Variants in MSR1 observed in about 807,000 individuals in gnomAD.
The protein encoded by MSR1 is macrophage scavenger receptor 1, also known as macrophage scavenger receptor types I and II.
MSR1 carries 53 observed loss-of-function variants against 47.2 expected under a neutral mutation model. The ratio of observed to expected loss-of-function variants is 1.12; its 90% CI spans 0.90 to 1.41. The LOEUF is 1.41. Ranked by LOEUF, MSR1 falls within the 40% of genes most tolerant of loss-of-function variation. MSR1 has a pLI of 0.00. For missense variants in MSR1, 786 were observed against 546.9 expected, an observed-to-expected ratio of 1.44 and a Z score of -4.36; for synonymous variants, 239 against 185.6, an observed-to-expected ratio of 1.29 and a Z score of -2.34.
chr8:16,167,530 G>A (rs1801348694), intron 4 of MSR1, among the ~76,000 whole-genome samples: 2 of 152,134 alleles, frequency 1.3e-5, no homozygotes, highest in Admixed American at 6.5e-5. Context: ...GGGCAACAGA[G>A]TGAGACTCCA....
intron 3 of MSR1, among the ~76,000 whole-genome samples, chr8:16,173,225 T>C (rs1801539631): frequency 6.6e-6 from 1 of 152,184 alleles, no homozygotes; most frequent in Non-Finnish European, 1.5e-5. Flanking sequence ...GGTAGTATTT[T>C]CTAATAGCTC....
rs969294982 is a variant in MSR1, at chr8:16,177,820, T to C, written c.103+66A>G. ...ACATTTAAGGTAAGTCTCAAGACTA[T>C]AATTTTATATTTTGTCAATAACTCT... is the stretch of plus-strand genomic sequence containing the variant. On this transcript the variant is annotated intron_variant, in intron 2 of 9. Transcript: ENST00000262101. The C allele has an allele frequency of 6.9e-6, 9 of 1,306,696 alleles. No individual in the cohort carries two copies. The Admixed American group carries it at 1.4e-4, about 20-fold the overall frequency. 80.9% of individuals were successfully genotyped at this position (1,306,696 alleles called of 1,614,324 possible). A position where few individuals can be genotyped will look rare whatever the true frequency, so the allele number is the denominator to read the frequency against.
At chr8:16,162,432 C>T (rs550693610) in intron 5 of MSR1, among the ~76,000 whole-genome samples, 156 of 152,036 alleles carry the variant, frequency 1.0e-3, no homozygotes, top group African/African-American at 3.6e-3. Flanking sequence ...AAGAAATGCC[C>T]GAGGTGCTTT....
intron 1 of MSR1, among the ~76,000 whole-genome samples, chr8:16,187,982 C>A (rs1442014837): frequency 6.6e-6 from 1 of 152,114 alleles, no homozygotes; most frequent in Non-Finnish European, 1.5e-5. Flanking sequence ...AGGCAGTGAA[C>A]AACTCACACT....
rs530376768 is a variant in MSR1 at position 16,129,409 on chromosome 8, T to A, written c.1034-8803A>T. Among the ~76,000 whole-genome samples, 117 of 152,200 alleles carry A rather than the reference T, an allele frequency of 7.7e-4. 1 individual carries two copies. Among genetic ancestry groups the A allele is most frequent in the African/African-American group, 2.7e-3 (114 of 41,542 alleles). On this transcript the variant is annotated intron_variant, in intron 8 of 9. Coordinates refer to ENST00000262101, the MANE Select transcript of MSR1 (RefSeq NM_138715.3). Reference sequence around the variant, plus strand: ...ATGGGGGAATTTCTTGGAGACTCCATGTGAAACAAGCCAACTGTGTCGTTC... The same window carrying A: ...ATGGGGGAATTTCTTGGAGACTCCAAGTGAAACAAGCCAACTGTGTCGTTC...
intron 5 of MSR1, among the ~76,000 whole-genome samples, chr8:16,163,312 T>TA (rs1801213008): frequency 6.6e-6 from 1 of 151,666 alleles, no homozygotes; most frequent in African/African-American, 2.4e-5. Flanking sequence ...TATATTTTTT[T>TA]AAAAGAAAAG....
At chr8:16,152,075 T>C (rs1800875825) in intron 6 of MSR1, among the ~76,000 whole-genome samples, 1 of 152,142 alleles carries the variant, frequency 6.6e-6, no homozygotes, top group Non-Finnish European at 1.5e-5. Context: ...GCTTTTCTTG[T>C]TCTCCTCCCC....
intron 8 of MSR1, among the ~76,000 whole-genome samples, chr8:16,134,574 A>G (rs1312041142): frequency 6.6e-6 from 1 of 152,060 alleles, no homozygotes; most frequent in Non-Finnish European, 1.5e-5. Context: ...ATTCCCTGAG[A>G]CACAGCAATA....
chr8:16,125,890 C>T (rs1369526095), intron 8 of MSR1, among the ~76,000 whole-genome samples: 1 of 152,012 alleles, frequency 6.6e-6, no homozygotes. Flanking sequence ...CCTTGGCCTC[C>T]CAAGGTGATG....
intron 8 of MSR1, among the ~76,000 whole-genome samples, chr8:16,137,808 A>G (rs183501432): frequency 6.6e-6 from 1 of 152,188 alleles, no homozygotes; most frequent in East Asian, 1.9e-4. Context: ...CCTTGGCAAT[A>G]TAGTGAGATC....
In MSR1 at chr8:16,123,609, G is replaced by A. The variant is rs369983994; in HGVS notation, c.1034-3003C>T. ...ATGTGTGTGTGTGTGTGTGTGTCTG[G>A]ATAGCTGTTTCCTCTTTATTTGTGT... On this transcript the variant is annotated intron_variant, in intron 8 of 9. Transcript: ENST00000262101. Among the ~76,000 whole-genome samples the A allele has an allele frequency of 1.8e-3, 259 of 147,804 alleles. 2 individuals are homozygous for A. The highest frequency in any genetic ancestry group is 5.5e-3 in the African/African-American group (219 of 40,150).
At chr8:16,180,350 A>G (rs1177093770) in intron 1 of MSR1, among the ~76,000 whole-genome samples, 1 of 152,176 alleles carries the variant, frequency 6.6e-6, no homozygotes, top group Non-Finnish European at 1.5e-5. Context: ...AGGTTTGATA[A>G]AAAGAAACTG....
intron 1 of MSR1, among the ~76,000 whole-genome samples, chr8:16,189,959 G>A (rs1802147912): frequency 7.6e-6 from 1 of 132,434 alleles, no homozygotes; most frequent in African/African-American, 3.0e-5. Context: ...TTGTCACCCA[G>A]GCTGGAGTGT....
chr8:16,119,870 C>A (rs1303297453), intron 9 of MSR1, among the ~76,000 whole-genome samples: 1 of 95,680 alleles, frequency 1.0e-5, no homozygotes, highest in Admixed American at 1.2e-4. Flanking sequence ...TCACGCCTGG[C>A]TTTTTTTTTT....
intron 3 of MSR1, among the ~76,000 whole-genome samples, chr8:16,169,074 C>A (rs1369109699): frequency 6.6e-6 from 1 of 152,086 alleles, no homozygotes; most frequent in Non-Finnish European, 1.5e-5. Flanking sequence ...TCTCCCTTTC[C>A]TATTTTACGT....
rs1163152450 is a variant in MSR1, at chr8:16,108,424, T to C, written c.*1661A>G. 2 of 151,828 alleles carry C rather than the reference T, an allele frequency of 1.3e-5. No individual in the cohort carries two copies. The highest frequency in any genetic ancestry group is 3.9e-4 in the East Asian group (2 of 5,166). 9.4% of individuals were successfully genotyped at this position (151,828 alleles called of 1,614,324 possible). Reference sequence around the variant, plus strand: ...CATAAGTAGTAAATCAGCATACATATACCATACAGCAATACAGTATTAACA... The same window carrying C: ...CATAAGTAGTAAATCAGCATACATACACCATACAGCAATACAGTATTAACA... On this transcript the variant is annotated 3_prime_UTR_variant, in exon 10 of 10. Coordinates refer to ENST00000262101, the MANE Select transcript of MSR1 (RefSeq NM_138715.3).
rs76218927 is a variant in MSR1 at position 16,121,058 on chromosome 8, T to C, written c.1034-452A>G. ...AGGGCGAGGAGCAGATATTTTAGAA[T>C]ATCATAAACACAAAAATAGGTGATC... On this transcript the variant is annotated intron_variant, in intron 8 of 9. Transcript: ENST00000262101. 3,128 of 359,430 alleles carry C rather than the reference T, an allele frequency of 8.7e-3. 107 individuals are homozygous for C. The highest frequency in any genetic ancestry group is 0.061 in the African/African-American group (2,803 of 45,886). The allele number at this position is 359,430 out of a possible 1,614,324, so 22.3% of individuals were successfully genotyped here. A position where few individuals can be genotyped will look rare whatever the true frequency, so the allele number is the denominator to read the frequency against.
chr8:16,157,009 C>CA (rs1563156972), intron 5 of MSR1, among the ~76,000 whole-genome samples: 2 of 151,898 alleles, frequency 1.3e-5, no homozygotes. Context: ...GACAGACACT[C>CA]AATTTATGCC....
chr8:16,134,268 A>C (rs1410353876), intron 8 of MSR1, among the ~76,000 whole-genome samples: 2 of 152,146 alleles, frequency 1.3e-5, no homozygotes, highest in Non-Finnish European at 2.9e-5. Context: ...TTCTTAGTGC[A>C]TCAAATTAGA....
Sources: allele counts gnomAD v4.1 joint callset (sites outside exome capture counted in the v4.1 genomes callset), GRCh38; gene constraint gnomAD v4.1.1; transcripts MANE v1.5; gene names NCBI Gene and HGNC (gene_info 2026-07-23, HGNC 2026-07-21).